Variants in MAPRE3 observed in about 807,000 individuals in gnomAD.
The protein encoded by MAPRE3 is microtubule associated protein RP/EB family member 3.
In MAPRE3, 2 loss-of-function variants were observed where a neutral mutation model predicts 30.5. The ratio of observed to expected loss-of-function variants is 0.07; its 90% CI spans 0.03 to 0.21. The LOEUF (loss-of-function observed/expected upper bound fraction) is 0.21. MAPRE3 is among the 10% of genes least tolerant of loss of function. The probability of loss-of-function intolerance (pLI) is 1.00; values close to 1 mark genes in which losing one functional copy is unlikely to be tolerated. For synonymous variants in MAPRE3, 110 were observed against 127.7 expected, an observed-to-expected ratio of 0.86 and a Z score of 0.93; for missense variants, 204 against 351.8, an observed-to-expected ratio of 0.58 and a Z score of 3.36.
chr2:26,973,586 C>T (rs1404617137), intron 1 of MAPRE3, among the ~76,000 whole-genome samples: 1 of 145,808 alleles, frequency 6.9e-6, no homozygotes, highest in Non-Finnish European at 1.5e-5. Flanking sequence ...CTCGCTCTGT[C>T]GCCCAGGCCG....
intron 1 of MAPRE3, among the ~76,000 whole-genome samples, chr2:26,992,798 C>G (rs1294074865): frequency 6.6e-6 from 1 of 152,152 alleles, no homozygotes; most frequent in Non-Finnish European, 1.5e-5. Context: ...TCATTGATAT[C>G]CTTGTGAAGA....
Position 27,026,186 on chromosome 2 carries a change from C to A in MAPRE3, c.778-94C>A, listed in dbSNP as rs572544395. 9.9e-5 allele frequency: 137 copies of A among 1,387,508 alleles called. 2 individuals are homozygous for A. The South Asian group carries it at 1.7e-3, about 17-fold the overall frequency. 85.9% of individuals were successfully genotyped at this position (1,387,508 alleles called of 1,614,324 possible). ...GTCACCCATTAGCAGGGCTCCTGGA[C>A]TCCTGACCCCTTGCTCTTCAGCTAC... is the stretch of plus-strand genomic sequence containing the variant. On this transcript the variant is annotated intron_variant, in intron 6 of 6. Coordinates refer to ENST00000233121, the MANE Select transcript of MAPRE3 (RefSeq NM_012326.4).
At chr2:26,982,531 C>T (rs1180174288) in intron 1 of MAPRE3, among the ~76,000 whole-genome samples, 5 of 152,218 alleles carry the variant, frequency 3.3e-5, no homozygotes, top group Non-Finnish European at 7.3e-5. Context: ...GAACAAACAG[C>T]TTGCAGTACA....
At chr2:26,981,437 A>T (rs1666110921) in intron 1 of MAPRE3, among the ~76,000 whole-genome samples, 1 of 152,162 alleles carries the variant, frequency 6.6e-6, no homozygotes, top group African/African-American at 2.4e-5. Context: ...GTGGGAACGG[A>T]AAACAGGTTT....
intron 4 of MAPRE3, among the ~76,000 whole-genome samples, chr2:27,024,542 A>G (rs944204896): frequency 1.3e-5 from 2 of 152,226 alleles, no homozygotes; most frequent in East Asian, 1.9e-4. Context: ...CTGGGGTAGG[A>G]GGCCCAAGGC....
intron 6 of MAPRE3, 108 bp downstream of exon 6, chr2:27,026,140 A>T: frequency 6.8e-7 from 1 of 1,463,092 alleles, no homozygotes; most frequent in South Asian, 1.2e-5. Context: ...GATGAGAGAG[A>T]GGTGAAGTCA....
In MAPRE3 at chr2:26,985,166, G is replaced by A. The variant is rs1400857685; in HGVS notation, c.-8+14364G>A. ...GCCTCAATATCATTTGCTTAGTACC[G>A]TTTAGGTAGATGGTGCTTCGGCCCT... On this transcript the variant is annotated intron_variant, in intron 1 of 6. Coordinates refer to ENST00000233121, the MANE Select transcript of MAPRE3 (RefSeq NM_012326.4). This position sits in a 1 kb window ranked among gnomAD's most constrained non-coding sequence, Gnocchi z 4.2. Among the ~76,000 whole-genome samples the A allele has an allele frequency of 3.9e-5, 6 of 152,286 alleles. No individual in the cohort carries two copies. The South Asian group carries it at 1.0e-3, about 26-fold the overall frequency.
chr2:27,011,120 G>A (rs376276957), intron 1 of MAPRE3, among the ~76,000 whole-genome samples: 30 of 152,134 alleles, frequency 2.0e-4, no homozygotes, highest in African/African-American at 6.3e-4. Flanking sequence ...TTTTCATCGC[G>A]TCCCTAACAT....
chr2:26,996,154 T>TTATTA (rs1666455095), intron 1 of MAPRE3, among the ~76,000 whole-genome samples: 1 of 150,698 alleles, frequency 6.6e-6, no homozygotes, highest in African/African-American at 2.4e-5. Flanking sequence ...TTATTTTATT[T>TTATTA]TATTTTATTT....
At chr2:27,023,518 A>G in intron 3 of MAPRE3, 41 bp downstream of exon 3, 1 of 1,611,278 alleles carries the variant, frequency 6.2e-7, no homozygotes. Context: ...GAGCAGTGTG[A>G]CCCTGGGGAA....
intron 1 of MAPRE3, among the ~76,000 whole-genome samples, chr2:26,973,549 T>G (rs78375721): frequency 8.1e-5 from 12 of 148,624 alleles, no homozygotes; most frequent in Admixed American, 2.0e-4. Context: ...AAATATAGTT[T>G]TTTTTTTTTT....
rs1253302248 is a variant in MAPRE3 at position 27,015,577 on chromosome 2, G to A, written c.-7-6635G>A. ...TGGAAACTGCAGGGGGTTCTTCCAG[G>A]GACCAGCCAGAACAGGGCTAAACTT... On this transcript the variant is annotated intron_variant, in intron 1 of 6. Transcript: ENST00000233121. This position sits in a 1 kb window ranked among gnomAD's most constrained non-coding sequence, Gnocchi z 4.0. 6.6e-6 allele frequency among the ~76,000 whole-genome samples: 1 copy of A among 152,126 alleles called. No individual in the cohort carries two copies. The highest frequency in any genetic ancestry group is 1.5e-5 in the Non-Finnish European group (1 of 68,024).
intron 1 of MAPRE3, among the ~76,000 whole-genome samples, chr2:26,971,419 A>G (rs1665913500): frequency 6.6e-6 from 1 of 152,150 alleles, no homozygotes; most frequent in South Asian, 2.1e-4. Context: ...GTTCAGCCCC[A>G]TCGTGATCAT....
intron 1 of MAPRE3, among the ~76,000 whole-genome samples, chr2:27,011,549 A>T (rs1311960503): frequency 1.3e-5 from 2 of 152,164 alleles, no homozygotes; most frequent in African/African-American, 4.8e-5. Context: ...GCTGGTCGAG[A>T]TTAAGGCAAT....
intron 1 of MAPRE3, among the ~76,000 whole-genome samples, chr2:27,021,067 A>T (rs1203165451): frequency 6.6e-6 from 1 of 152,262 alleles, no homozygotes; most frequent in East Asian, 1.9e-4. Flanking sequence ...ACAACTATTT[A>T]CATCGAAGTG....
At chr2:27,018,372 C>T (rs1049349381) in intron 1 of MAPRE3, among the ~76,000 whole-genome samples, 2 of 152,158 alleles carry the variant, frequency 1.3e-5, no homozygotes, top group Admixed American at 6.5e-5. Flanking sequence ...AGCTCCTGGC[C>T]GTCCTCTGCA....
In MAPRE3 at chr2:26,985,874, G is replaced by A. The variant is rs896502949; in HGVS notation, c.-8+15072G>A. Reference sequence around the variant, plus strand: ...GAAGCAGAGATTGGAGTGACCTGAAGCCACCAGAAGCTGGAAGAGAGGCAG... The same window carrying A: ...GAAGCAGAGATTGGAGTGACCTGAAACCACCAGAAGCTGGAAGAGAGGCAG... On this transcript the variant is annotated intron_variant, in intron 1 of 6. Transcript: ENST00000233121. The surrounding 1 kb of genome is among the most constrained non-coding windows in gnomAD (Gnocchi z 4.2). Among the ~76,000 whole-genome samples, 11 of 152,084 alleles carry A rather than the reference G, an allele frequency of 7.2e-5. No individual in the cohort carries two copies. Among genetic ancestry groups the A allele is most frequent in the Admixed American group, 5.2e-4 (8 of 15,268 alleles).
chr2:26,973,872 A>G lies in MAPRE3; in HGVS notation c.-8+3070A>G, dbSNP rs556455738. On this transcript the variant is annotated intron_variant, in intron 1 of 6. Transcript: ENST00000233121. ...GCCTGGCCAGAAAATATAGTTTTTT[A>G]AAACAGAATGCATCTGCCCTGATTT... Among the ~76,000 whole-genome samples, 27 of 152,324 alleles carry G rather than the reference A, an allele frequency of 1.8e-4. 1 individual carries two copies. Among genetic ancestry groups the G allele is most frequent in the African/African-American group, 6.3e-4 (26 of 41,566 alleles).
At chr2:27,007,898 G>C (rs923999333) in intron 1 of MAPRE3, among the ~76,000 whole-genome samples, 2 of 152,214 alleles carry the variant, frequency 1.3e-5, no homozygotes, top group Non-Finnish European at 2.9e-5. Flanking sequence ...ATGACCTCAA[G>C]GTCCTGAGCA....
Sources: gnomAD v4.1 joint callset for allele counts (sites outside exome capture counted in the v4.1 genomes callset) on GRCh38, gnomAD v4.1.1 for gene constraint, Gnocchi (gnomAD v3.1) non-coding constraint, MANE v1.5 for transcripts, NCBI Gene and HGNC (gene_info 2026-07-23, HGNC 2026-07-21) for gene names.